Variants in RBFOX3 observed in about 807,000 individuals in gnomAD.
The protein encoded by RBFOX3 is RNA binding fox-1 homolog 3.
A neutral mutation model predicts 48.7 loss-of-function variants in RBFOX3; 17 were observed. That is an observed-to-expected ratio of 0.35 (90% CI 0.24 to 0.52). RBFOX3 has a LOEUF of 0.52. Among genes scored for constraint, RBFOX3 ranks in the 20% least tolerant of loss-of-function variants. RBFOX3 has a pLI of 0.94. For missense variants in RBFOX3, 382 were observed against 497.5 expected (o/e 0.77, Z 2.21); for synonymous variants, 212 against 209.5 (o/e 1.01, Z -0.10).
chr17:79,174,606 C>A (rs1018037357), intron 4 of RBFOX3, among the ~76,000 whole-genome samples: 1 of 151,966 alleles, frequency 6.6e-6, no homozygotes, highest in Admixed American at 6.6e-5. Context: ...ACCACTCACA[C>A]TGACACACAT....
intron 3 of RBFOX3, among the ~76,000 whole-genome samples, chr17:79,268,118 C>A (rs8072079): frequency 2.2e-4 from 34 of 151,356 alleles, no homozygotes; most frequent in African/African-American, 8.0e-4. Flanking sequence ...GGAGTAGATG[C>A]GTTTCCTGGC....
At chr17:79,508,541 G>A (rs1032282753) in intron 1 of RBFOX3, among the ~76,000 whole-genome samples, 1 of 152,098 alleles carries the variant, frequency 6.6e-6, no homozygotes, top group African/African-American at 2.4e-5. Context: ...GCAGCACCGC[G>A]CTGGCTCGGC....
chr17:79,413,532 G>T (rs2064818010), intron 2 of RBFOX3, among the ~76,000 whole-genome samples: 1 of 152,280 alleles, frequency 6.6e-6, no homozygotes, highest in Non-Finnish European at 1.5e-5. Context: ...CAGGCCGTGA[G>T]CTCTTCTCTT....
chr17:79,126,576 C>T (rs1474696127), intron 4 of RBFOX3, among the ~76,000 whole-genome samples: 1 of 152,106 alleles, frequency 6.6e-6, no homozygotes. Flanking sequence ...GTGGTCCTGC[C>T]CTCCTCCCTG....
intron 2 of RBFOX3, among the ~76,000 whole-genome samples, chr17:79,328,118 G>C (rs942232759): frequency 2.0e-5 from 3 of 152,252 alleles, no homozygotes; most frequent in Non-Finnish European, 2.9e-5. Context: ...CAGGTAGAAG[G>C]AGAGTGGGAG....
chr17:79,649,573 G>A, the RBFOX3 span, among the ~76,000 whole-genome samples: 5 of 152,320 alleles, frequency 3.3e-5, no homozygotes, highest in East Asian at 7.7e-4. Context: ...AGGCATGATG[G>A]CGGAGGCCTG....
intron 2 of RBFOX3, among the ~76,000 whole-genome samples, chr17:79,350,225 G>T (rs2083644629): frequency 6.6e-6 from 1 of 152,160 alleles, no homozygotes; most frequent in South Asian, 2.1e-4. Flanking sequence ...TTCTGACAGT[G>T]GCCGGCTCTG....
chr17:79,438,597 G>A (rs987247503), intron 2 of RBFOX3, among the ~76,000 whole-genome samples: 6 of 152,208 alleles, frequency 3.9e-5, no homozygotes, highest in East Asian at 3.9e-4. Flanking sequence ...GTCACTCCCC[G>A]TCTCCTCTCC....
At chr17:79,334,117 C>T (rs2146430316) in intron 2 of RBFOX3, among the ~76,000 whole-genome samples, 1 of 152,260 alleles carries the variant, frequency 6.6e-6, no homozygotes, top group African/African-American at 2.4e-5. Context: ...CTTTTTCCAT[C>T]ACCTCTTCCT....
intron 2 of RBFOX3, among the ~76,000 whole-genome samples, chr17:79,359,587 C>T (rs148475541): frequency 7.9e-5 from 12 of 152,208 alleles, no homozygotes; most frequent in African/African-American, 2.9e-4. Flanking sequence ...AGCAGACACT[C>T]CTTGGAAGAG....
chr17:79,463,705 T>C (rs371173918), intron 2 of RBFOX3, among the ~76,000 whole-genome samples: 64,551 of 119,178 alleles, frequency 0.54, 17,867 homozygotes, highest in Non-Finnish European at 0.62. Flanking sequence ...CCATCACCAC[T>C]GCCACCTCCA....
intron 2 of RBFOX3, among the ~76,000 whole-genome samples, chr17:79,331,857 C>G (rs547491031): frequency 1.3e-5 from 2 of 152,356 alleles, no homozygotes; most frequent in East Asian, 3.9e-4. Context: ...TTTCTCAATG[C>G]CCCTGGAAGC....
At chr17:79,295,293 T>A (rs756956779) in intron 3 of RBFOX3, among the ~76,000 whole-genome samples, 12 of 152,210 alleles carry the variant, frequency 7.9e-5, no homozygotes, top group Non-Finnish European at 1.6e-4. Context: ...AGATTTTCCA[T>A]ACCCTGGCAA....
chr17:79,491,239 A>T (rs2080586128), intron 1 of RBFOX3, among the ~76,000 whole-genome samples: 1 of 148,994 alleles, frequency 6.7e-6, no homozygotes, highest in African/African-American at 2.5e-5. Flanking sequence ...GGGAAATGTC[A>T]TCTAGGGAAT....
In RBFOX3 at chr17:79,214,029, C is replaced by T. The variant is rs555537621; in HGVS notation, c.-34+21737G>A. Reference sequence around the variant, plus strand: ...GTTCCGTTTCCGAAGGTGGTGCCAGCGGATGTTGGGAGGCCCGGTGAACTA... The same window carrying T: ...GTTCCGTTTCCGAAGGTGGTGCCAGTGGATGTTGGGAGGCCCGGTGAACTA... On this transcript the variant is annotated intron_variant, in intron 4 of 14. Transcript: ENST00000693108. The surrounding 1 kb of genome is among the most constrained non-coding windows in gnomAD (Gnocchi z 4.7). Among the ~76,000 whole-genome samples the T allele has an allele frequency of 2.9e-4, 44 of 152,314 alleles. No homozygotes were observed. Among genetic ancestry groups the T allele is most frequent in the African/African-American group, 9.9e-4 (41 of 41,574 alleles).
At chr17:79,512,005 G>A (rs1396310227) in intron 1 of RBFOX3, among the ~76,000 whole-genome samples, 5 of 141,072 alleles carry the variant, frequency 3.5e-5, no homozygotes, top group South Asian at 2.3e-4. Context: ...CAGCCCCATA[G>A]CCAGGGGACG....
rs574038510 is a variant in RBFOX3, at chr17:79,367,721, G to A, written c.-174-59897C>T. Among the ~76,000 whole-genome samples, 20 of 152,232 alleles carry A rather than the reference G, an allele frequency of 1.3e-4. No individual in the cohort carries two copies. In the South Asian group the frequency reaches 2.1e-3, roughly 16 times the overall value. ...GGGGAGGACAGGCAAAGGGAGCCAC[G>A]GCCAGTGGGTGTCATGGTGGGCCGG... On this transcript the variant is annotated intron_variant, in intron 2 of 14. Coordinates refer to ENST00000693108, the MANE Select transcript of RBFOX3 (RefSeq NM_001350451.2).
At position 79,559,898 on chromosome 17, in the gene RBFOX3, G is replaced by A. The variant is rs1025854185; in HGVS notation, c.-320+50928C>T. On this transcript the variant is annotated intron_variant, in intron 1 of 14. Transcript: ENST00000693108. ...TAGTGGATGGTGGGTAGGTGGATGG[G>A]TGGGTGGGTGAGTGGATGAATAGAT... 6.6e-3 allele frequency among the ~76,000 whole-genome samples: 964 copies of A among 145,358 alleles called. 13 individuals are homozygous for A. Among genetic ancestry groups the A allele is most frequent in the African/African-American group, 0.024 (915 of 38,904 alleles).
rs1240828824 is a variant in RBFOX3 at position 79,370,333 on chromosome 17, C to A, written c.-174-62509G>T. ...AGCCCCACCCAGTGCCTGAGCCCCA[C>A]CCAGGGCCTCACTTGACACTTGCAG... On this transcript the variant is annotated intron_variant, in intron 2 of 14. Coordinates refer to ENST00000693108, the MANE Select transcript of RBFOX3 (RefSeq NM_001350451.2). 2.0e-5 allele frequency among the ~76,000 whole-genome samples: 3 copies of A among 152,380 alleles called. No individual in the cohort carries two copies. The South Asian group carries it at 6.2e-4, about 32-fold the overall frequency.
Sources: gnomAD v4.1 joint callset for allele counts (sites outside exome capture counted in the v4.1 genomes callset) on GRCh38, gnomAD v4.1.1 for gene constraint, Gnocchi (gnomAD v3.1) non-coding constraint, MANE v1.5 for transcripts, NCBI Gene and HGNC (gene_info 2026-07-23, HGNC 2026-07-21) for gene names.